DLEC1: variants seen among roughly 807,000 people sequenced by gnomAD.
DLEC1 encodes DLEC1 cilia and flagella associated protein, also known as deleted in lung and esophageal cancer protein 1.
In DLEC1, 146 loss-of-function variants were observed where a neutral mutation model predicts 198.1. The observed-to-expected ratio is 0.74, with a 90% CI of 0.64 to 0.85. DLEC1 has a LOEUF of 0.85. Ranked by LOEUF, DLEC1 falls within the 40% of genes least tolerant of loss-of-function variation. DLEC1 has a pLI of 0.00. For missense variants in DLEC1, 2,233 were observed against 2,220.0 expected (o/e 1.01, Z -0.12); for synonymous variants, 897 against 866.8 (o/e 1.03, Z -0.61).
In DLEC1 at chr3:38,059,663, G is replaced by A. The variant is rs551978974; in HGVS notation, c.563-79G>A. The A allele has an allele frequency of 1.6e-4, 198 of 1,200,564 alleles. No homozygotes were observed. In the African/African-American group the frequency reaches 2.2e-3, roughly 14 times the overall value. The allele number at this position is 1,200,564 out of a possible 1,614,324, so 74.4% of individuals were successfully genotyped here. The stretch of plus-strand genomic sequence containing the variant: ...TTTGTTAGATAGTTTAGGCTTGGCG[G>A]ATGAAGAAAGTTTGGGTGTGGGTTC... On this transcript the variant is annotated intron_variant, in intron 2 of 36. Transcript: ENST00000308059.
At chr3:38,043,956 G>GT (rs796126807) in intron 1 of DLEC1, among the ~76,000 whole-genome samples, 2,160 of 112,966 alleles carry the variant, frequency 0.019, 23 homozygotes, top group South Asian at 0.036. Flanking sequence ...TACATAAACT[G>GT]TTTTTTTTTT....
chr3:38,047,391 T>C (rs1700929605), intron 2 of DLEC1, among the ~76,000 whole-genome samples: 4 of 152,260 alleles, frequency 2.6e-5, no homozygotes, highest in African/African-American at 9.6e-5. Context: ...GTCTGCTATT[T>C]ATTAATTTAG....
At position 38,079,698 on chromosome 3, in the gene DLEC1, A is replaced by C. The variant is rs186088048; in HGVS notation, c.1174-4460A>C. 2.0e-5 allele frequency among the ~76,000 whole-genome samples: 3 copies of C among 152,316 alleles called. No individual in the cohort carries two copies. The East Asian group carries it at 5.8e-4, about 29-fold the overall frequency. On this transcript the variant is annotated intron_variant, in intron 6 of 36. Transcript: ENST00000308059. Reference sequence around the variant, plus strand: ...TGGCTTAGGAGAAATCCCGGGTTGCAGGCATTCCTTGGCCTGGTGGTCAGA... The same window carrying C: ...TGGCTTAGGAGAAATCCCGGGTTGCCGGCATTCCTTGGCCTGGTGGTCAGA...
At chr3:38,078,861 A>G (rs1697789802) in intron 6 of DLEC1, among the ~76,000 whole-genome samples, 1 of 152,214 alleles carries the variant, frequency 6.6e-6, no homozygotes, top group African/African-American at 2.4e-5. Context: ...TTTGGTTGAT[A>G]AGGCATAGAT....
intron 33 of DLEC1, among the ~76,000 whole-genome samples, chr3:38,118,417 T>C (rs773865931): frequency 6.6e-6 from 1 of 152,126 alleles, no homozygotes; most frequent in Non-Finnish European, 1.5e-5. Flanking sequence ...GTGTCCCAGC[T>C]CAGGTGAGCC....
At chr3:38,068,129 A>T (rs961453998) in intron 6 of DLEC1, among the ~76,000 whole-genome samples, 1 of 152,216 alleles carries the variant, frequency 6.6e-6, no homozygotes. Flanking sequence ...CTAATCTTGT[A>T]AGTTGCACAG....
chr3:38,093,943 C>T (rs1295158782), intron 12 of DLEC1, among the ~76,000 whole-genome samples, 176 bp downstream of exon 12: 1 of 152,166 alleles, frequency 6.6e-6, no homozygotes, highest in African/African-American at 2.4e-5. Context: ...AACCAGTAGC[C>T]ACTCTTGGCT....
At chr3:38,090,335 G>A (rs748952405) in intron 10 of DLEC1, among the ~76,000 whole-genome samples, 3 of 152,174 alleles carry the variant, frequency 2.0e-5, no homozygotes, top group Non-Finnish European at 4.4e-5. Flanking sequence ...GATAGTCTAT[G>A]CCCAAATAAG....
rs419182 is a variant in DLEC1, at chr3:38,062,605, A to T, written c.898A>T (p.Asn300Tyr). 1 of 1,614,178 alleles carries T rather than the reference A, an allele frequency of 6.2e-7. No individual in the cohort carries two copies. The highest frequency in any genetic ancestry group is 1.1e-5 in the South Asian group (1 of 91,084). The change falls in exon 5 of 37, where the codon AAC (asparagine) becomes TAC (tyrosine). Residue 300 changes from asparagine (N) to tyrosine (Y), a missense_variant. By Grantham distance (143) the Asn-to-Tyr change is moderately radical. Transcript: ENST00000308059. ...GAAAGCAAGTCAACCAAGGAATAAA[A>T]ACTGGATGAACCACTTACGTGTGCC... Reference protein sequence around the residue: ...LKKASQPRNKNWMNHLRVPQR... With the variant: ...LKKASQPRNKYWMNHLRVPQR...
chr3:38,098,852 G>A (rs1421489992), intron 18 of DLEC1, among the ~76,000 whole-genome samples: 4 of 152,120 alleles, frequency 2.6e-5, no homozygotes, highest in Non-Finnish European at 5.9e-5. Context: ...TAGAAGTTAT[G>A]ACAGTGTGCA....
Position 38,097,778 on chromosome 3 carries a change from A to C in DLEC1, c.2600A>C (p.Gln867Pro), listed in dbSNP as rs867769590. Residue 867 changes from glutamine (Q) to proline (P), a missense_variant, in exon 18 of 37, where the codon CAG (glutamine) becomes CCG (proline). Coordinates refer to ENST00000308059, the MANE Select transcript of DLEC1 (RefSeq NM_007335.4). ...CTCATCATCAACGTCTCAGCCCTTC[A>C]GTTTGGTCTGCTCCGCCTGGGGCAG... ...PALIINVSAL[Q>P]FGLLRLGQKA... The C allele has an allele frequency of 1.2e-6, 2 of 1,614,020 alleles. No individual in the cohort carries two copies. Among genetic ancestry groups the C allele is most frequent in the Admixed American group, 1.7e-5 (1 of 60,010 alleles).
At position 38,123,241 on chromosome 3, in the gene DLEC1, G is replaced by A; in HGVS notation, c.*829G>A. Reference sequence around the variant, plus strand: ...TGCAAAACCATCAGACCAGATCTGTGGGCAAGCGGTACCCTGGCCTCCCAC... The same window carrying A: ...TGCAAAACCATCAGACCAGATCTGTAGGCAAGCGGTACCCTGGCCTCCCAC... On this transcript the variant is annotated 3_prime_UTR_variant, in exon 37 of 37. Transcript: ENST00000308059. 1.1e-6 allele frequency: 1 copy of A among 934,510 alleles called. No individual in the cohort carries two copies. Among genetic ancestry groups the A allele is most frequent in the Non-Finnish European group, 1.7e-6 (1 of 589,458 alleles). 57.9% of individuals were successfully genotyped at this position (934,510 alleles called of 1,614,324 possible). A position where few individuals can be genotyped will look rare whatever the true frequency, so the allele number is the denominator to read the frequency against.
intron 4 of DLEC1, 63 bp downstream of exon 4, chr3:38,062,431 C>T: frequency 6.2e-7 from 1 of 1,600,256 alleles, no homozygotes. Context: ...AAGGGGAAGG[C>T]ATTCAGATGA....
chr3:38,048,628 G>T (rs1451014828), intron 2 of DLEC1, among the ~76,000 whole-genome samples: 1 of 152,200 alleles, frequency 6.6e-6, no homozygotes, highest in Admixed American at 6.5e-5. Flanking sequence ...AGCTTGGAAG[G>T]GGGTGGGACT....
In DLEC1 at chr3:38,117,865, A is replaced by G. The variant is rs1700265711; in HGVS notation, c.4545A>G (p.Pro1515=). The part of the protein sequence containing the change: ...HLKLTNTTEI[P]HYFRLMVSRP... ...AGCTGACCAACACTACAGAGATCCC[A>G]CACTACTTCCGGCTTATGGTCTCCA... is the stretch of plus-strand genomic sequence containing the variant. Residue 1515 remains proline, a synonymous_variant, in exon 33 of 37, where the codon CCA becomes CCG. Transcript: ENST00000308059. The G allele has an allele frequency of 6.2e-7, 1 of 1,614,100 alleles. No homozygotes were observed. Among genetic ancestry groups the G allele is most frequent in the African/African-American group, 1.3e-5 (1 of 75,018 alleles).
chr3:38,054,853 A>G (rs921862040), intron 2 of DLEC1, among the ~76,000 whole-genome samples: 1 of 152,234 alleles, frequency 6.6e-6, no homozygotes, highest in Admixed American at 6.5e-5. Flanking sequence ...ACCACGAGTA[A>G]GTCAGCAGAA....
intron 34 of DLEC1, among the ~76,000 whole-genome samples, chr3:38,120,991 C>T (rs746330328): frequency 2.6e-5 from 4 of 152,194 alleles, no homozygotes; most frequent in Admixed American, 6.5e-5. Context: ...CTGGGGCTTG[C>T]CAGGCTTCAA....
intron 27 of DLEC1, 37 bp from the exon 28 acceptor site, chr3:38,116,416 C>G (rs1700161764): frequency 1.2e-6 from 2 of 1,611,716 alleles, no homozygotes; most frequent in Non-Finnish European, 1.7e-6. Context: ...GTCTGCTCCT[C>G]CCTTATTCCT....
chr3:38,092,249 C>T (rs1378865241), intron 10 of DLEC1, among the ~76,000 whole-genome samples: 2 of 152,178 alleles, frequency 1.3e-5, no homozygotes, highest in African/African-American at 4.8e-5. Flanking sequence ...TTTGCGACAA[C>T]ATGGATAAGT....
Sources: allele counts gnomAD v4.1 joint callset (sites outside exome capture counted in the v4.1 genomes callset), GRCh38; gene constraint gnomAD v4.1.1; transcripts MANE v1.5; gene names NCBI Gene and HGNC (gene_info 2026-07-23, HGNC 2026-07-21).